The following ADGRB3 variants were observed in gnomAD, a reference collection of about 807,000 sequenced individuals.
ADGRB3 encodes adhesion G protein-coupled receptor B3.
ADGRB3 carries 37 observed loss-of-function variants against 193.4 expected under a neutral mutation model. The observed-to-expected ratio is 0.19, with a 90% CI of 0.15 to 0.25. The LOEUF (loss-of-function observed/expected upper bound fraction) is 0.25. Ranked by LOEUF, ADGRB3 falls within the 10% of genes least tolerant of loss-of-function variation. ADGRB3 has a pLI of 1.00. For synonymous variants in ADGRB3, 690 were observed against 644.2 expected, an observed-to-expected ratio of 1.07 and a Z score of -1.08; for missense variants, 1,637 against 1,852.9, an observed-to-expected ratio of 0.88 and a Z score of 2.14.
At chr6:69,107,653 A>G (rs2150324287) in intron 17 of ADGRB3, among the ~76,000 whole-genome samples, 1 of 152,316 alleles carries the variant, frequency 6.6e-6, no homozygotes, top group South Asian at 2.1e-4. Flanking sequence ...GGTGCCCATC[A>G]GTGGTGGATT....
At chr6:69,178,970 G>A (rs1288144087) in intron 17 of ADGRB3, among the ~76,000 whole-genome samples, 6 of 152,066 alleles carry the variant, frequency 3.9e-5, no homozygotes, top group Non-Finnish European at 7.4e-5. Context: ...CTCTGGATTT[G>A]TCGTAACTGG....
intron 20 of ADGRB3, among the ~76,000 whole-genome samples, chr6:69,269,497 G>A (rs1767127537): frequency 6.6e-6 from 1 of 152,132 alleles, no homozygotes; most frequent in African/African-American, 2.4e-5. Context: ...TATACTTCAA[G>A]TAGTTCCCTT....
intron 11 of ADGRB3, among the ~76,000 whole-genome samples, chr6:68,996,489 A>G (rs1246036470): frequency 4.6e-5 from 7 of 152,188 alleles, no homozygotes; most frequent in African/African-American, 1.7e-4. Flanking sequence ...ACTGCCTCCT[A>G]GTACACTCCA....
At chr6:69,261,439 G>C (rs1282275080) in intron 20 of ADGRB3, among the ~76,000 whole-genome samples, 1 of 152,084 alleles carries the variant, frequency 6.6e-6, no homozygotes, top group East Asian at 1.9e-4. Flanking sequence ...ACGGATACAG[G>C]GGCCACTGAA....
chr6:69,349,180 A>G (rs949599975), intron 26 of ADGRB3, among the ~76,000 whole-genome samples: 2 of 152,264 alleles, frequency 1.3e-5, no homozygotes, highest in African/African-American at 4.8e-5. Context: ...ATCCTGGTGT[A>G]TGACACATAA....
intron 3 of ADGRB3, among the ~76,000 whole-genome samples, chr6:68,863,958 G>C (rs945733390): frequency 3.9e-5 from 6 of 152,080 alleles, no homozygotes; most frequent in Non-Finnish European, 8.8e-5. Flanking sequence ...CTCTGCTATT[G>C]GAGTTGTGTC....
Position 69,259,536 on chromosome 6 carries a change from A to T in ADGRB3, c.2814+20310A>T, listed in dbSNP as rs1030959503. ...CGGTGAAACCCAGTCTCTGCTAAAA[A>T]ACGCAAAAAAATAGCCGGGCTTGGT... On this transcript the variant is annotated intron_variant, in intron 20 of 31. Transcript: ENST00000370598. Among the ~76,000 whole-genome samples, 61 of 152,050 alleles carry T rather than the reference A, an allele frequency of 4.0e-4. 1 individual carries two copies. Among genetic ancestry groups the T allele is most frequent in the African/African-American group, 1.4e-3 (58 of 41,450 alleles).
At chr6:68,699,035 T>C (rs1765200113) in intron 3 of ADGRB3, among the ~76,000 whole-genome samples, 1 of 152,134 alleles carries the variant, frequency 6.6e-6, no homozygotes, top group Non-Finnish European at 1.5e-5. Flanking sequence ...ATAAAATGAA[T>C]ATTAAAATAT....
intron 3 of ADGRB3, among the ~76,000 whole-genome samples, chr6:68,920,718 T>A (rs1465234309): frequency 6.6e-6 from 1 of 151,880 alleles, no homozygotes; most frequent in East Asian, 1.9e-4. Flanking sequence ...TAAATCAACT[T>A]TGGCCCATTC....
At chr6:69,105,331 T>C (rs1773177158) in intron 17 of ADGRB3, among the ~76,000 whole-genome samples, 1 of 152,202 alleles carries the variant, frequency 6.6e-6, no homozygotes, top group Non-Finnish European at 1.5e-5. Flanking sequence ...CTGACTTCAC[T>C]TTGGCTGCCA....
At chr6:69,031,571 C>CTCT (rs1337493560) in intron 13 of ADGRB3, among the ~76,000 whole-genome samples, 2 of 106,848 alleles carry the variant, frequency 1.9e-5, no homozygotes, top group African/African-American at 3.5e-5. Context: ...TTCTTTTCTT[C>CTCT]CTCTGTCTCT....
intron 21 of ADGRB3, among the ~76,000 whole-genome samples, 158 bp downstream of exon 21, chr6:69,325,180 C>T (rs1268794889): frequency 6.6e-6 from 1 of 151,766 alleles, no homozygotes; most frequent in Middle Eastern, 3.2e-3. Flanking sequence ...ATTCATTGGT[C>T]ATTTGGAACT....
At chr6:68,715,029 A>G (rs577926002) in intron 3 of ADGRB3, among the ~76,000 whole-genome samples, 2 of 151,982 alleles carry the variant, frequency 1.3e-5, no homozygotes, top group East Asian at 3.9e-4. Context: ...ATTTATCATC[A>G]TTACAGCTTT....
intron 26 of ADGRB3, among the ~76,000 whole-genome samples, chr6:69,347,403 G>T (rs1317234585): frequency 1.3e-5 from 2 of 152,008 alleles, no homozygotes; most frequent in Admixed American, 1.3e-4. Context: ...GTTGCTAAAA[G>T]CTTTATCCTT....
intron 8 of ADGRB3, among the ~76,000 whole-genome samples, chr6:68,967,791 G>C (rs1213040107): frequency 6.6e-6 from 1 of 152,156 alleles, no homozygotes; most frequent in Non-Finnish European, 1.5e-5. Context: ...TAAAGGAGAG[G>C]AAGGGGTGGG....
intron 3 of ADGRB3, among the ~76,000 whole-genome samples, chr6:68,648,596 A>C (rs1374395980): frequency 6.6e-6 from 1 of 151,114 alleles, no homozygotes; most frequent in Non-Finnish European, 1.5e-5. Context: ...AATCATTAAG[A>C]AAATTGTGGA....
intron 3 of ADGRB3, among the ~76,000 whole-genome samples, chr6:68,689,685 T>G (rs1431170738): frequency 6.6e-6 from 1 of 152,068 alleles, no homozygotes; most frequent in Non-Finnish European, 1.5e-5. Context: ...TTTTGTTTTT[T>G]TTATGATGAA....
At chr6:68,905,446 C>T (rs1766516932) in intron 3 of ADGRB3, among the ~76,000 whole-genome samples, 1 of 152,168 alleles carries the variant, frequency 6.6e-6, no homozygotes, top group Admixed American at 6.6e-5. Context: ...AGAAAAAACA[C>T]TTCCTTTATT....
intron 3 of ADGRB3, among the ~76,000 whole-genome samples, chr6:68,812,980 A>G (rs1295206857): frequency 6.6e-6 from 1 of 151,994 alleles, no homozygotes; most frequent in African/African-American, 2.4e-5. Flanking sequence ...AACTTTAGGA[A>G]TTTTAATGTT....
Sources: gnomAD v4.1 joint callset for allele counts (sites outside exome capture counted in the v4.1 genomes callset) on GRCh38, gnomAD v4.1.1 for gene constraint, MANE v1.5 for transcripts, NCBI Gene and HGNC (gene_info 2026-07-23, HGNC 2026-07-21) for gene names.